The following FIG4 variants were observed in gnomAD, a reference collection of about 807,000 sequenced individuals.
FIG4 encodes FIG4 phosphoinositide 5-phosphatase, also known as polyphosphoinositide phosphatase.
In FIG4, 112 loss-of-function variants were observed where a neutral mutation model predicts 118.6. That is an observed-to-expected ratio of 0.94 (90% CI 0.81 to 1.11). The LOEUF is 1.11. Ranked by LOEUF, FIG4 falls within the 50% of genes least tolerant of loss-of-function variation. The probability of loss-of-function intolerance (pLI) is 0.00; values close to 1 mark genes in which losing one functional copy is unlikely to be tolerated. For synonymous variants in FIG4, 369 were observed against 381.2 expected, an observed-to-expected ratio of 0.97 and a Z score of 0.37; for missense variants, 969 against 1,111.7, an observed-to-expected ratio of 0.87 and a Z score of 1.83.
chr6:109,791,565 G>T lies in FIG4; in HGVS notation c.2370G>T (p.Val790=), dbSNP rs1778139139. Residue 790 remains valine (V), a synonymous_variant, in exon 20 of 23, where the codon GTG becomes GTT. Coordinates refer to ENST00000230124, the MANE Select transcript of FIG4 (RefSeq NM_014845.6). ...KMTDAGDSAK[V]TENVVQPMKE... is the part of the protein sequence containing the mutation. ...CTGATGCAGGAGACAGTGCCAAAGT[G>T]ACCGAGGTGCGGGGGAGGGAAGCCT... The T allele has an allele frequency of 1.2e-6, 2 of 1,613,764 alleles. No individual in the cohort carries two copies. The highest frequency in any genetic ancestry group is 1.7e-6 in the Non-Finnish European group (2 of 1,179,942).
At chr6:109,791,690 T>C in intron 20 of FIG4, 119 bp downstream of exon 20, 2 of 818,192 alleles carry the variant, frequency 2.4e-6, no homozygotes, top group Non-Finnish European at 4.1e-6. Flanking sequence ...ACTGTTGTGT[T>C]TGAGGCACTG....
intron 19 of FIG4, among the ~76,000 whole-genome samples, chr6:109,791,146 A>G (rs777176852): frequency 6.6e-6 from 1 of 152,156 alleles, no homozygotes; most frequent in Non-Finnish European, 1.5e-5. Context: ...TCTGCAAGTA[A>G]TTTTCATTTA....
At chr6:109,768,797 G>A (rs767532886) in intron 15 of FIG4, among the ~76,000 whole-genome samples, 1 of 152,130 alleles carries the variant, frequency 6.6e-6, no homozygotes, top group Non-Finnish European at 1.5e-5. Context: ...CAAACACGGG[G>A]GAAATCCACA....
intron 1 of FIG4, among the ~76,000 whole-genome samples, chr6:109,710,177 A>T (rs1190252501): frequency 1.3e-5 from 2 of 152,024 alleles, no homozygotes; most frequent in Admixed American, 6.6e-5. Flanking sequence ...ATGGATGTTG[A>T]ATTTTATTGA....
At chr6:109,732,762 TGA>T in intron 5 of FIG4, 75 bp downstream of exon 5, 1 of 873,706 alleles carries the variant, frequency 1.1e-6, no homozygotes, top group Non-Finnish European at 1.9e-6. Context: ...AAAAGCAGAA[TGA>T]GAACATAGTA....
At chr6:109,750,606 C>G (rs577398715) in intron 10 of FIG4, among the ~76,000 whole-genome samples, 9 of 152,124 alleles carry the variant, frequency 5.9e-5, no homozygotes, top group African/African-American at 2.2e-4. Context: ...GCGTTCCAGC[C>G]TGGGCGACAG....
chr6:109,722,048 A>G (rs1775628553), intron 3 of FIG4, among the ~76,000 whole-genome samples: 1 of 152,192 alleles, frequency 6.6e-6, no homozygotes, highest in African/African-American at 2.4e-5. Flanking sequence ...TCCCAATTAC[A>G]TTCCATTTTT....
At chr6:109,758,926 T>A (rs1282254165) in intron 10 of FIG4, among the ~76,000 whole-genome samples, 2 of 152,224 alleles carry the variant, frequency 1.3e-5, no homozygotes, top group African/African-American at 4.8e-5. Context: ...CCAGTTAGAA[T>A]GGCGATTATT....
At chr6:109,806,351 A>G (rs955449253) in intron 22 of FIG4, among the ~76,000 whole-genome samples, 2 of 152,190 alleles carry the variant, frequency 1.3e-5, no homozygotes, top group Admixed American at 1.3e-4. Flanking sequence ...AATTATTCAC[A>G]TACTTATTTA....
intron 1 of FIG4, among the ~76,000 whole-genome samples, chr6:109,707,775 GA>G (rs941949937): frequency 6.6e-5 from 10 of 152,018 alleles, no homozygotes; most frequent in Non-Finnish European, 1.3e-4. Flanking sequence ...GGCACAATGT[GA>G]GTTGATTATG....
At chr6:109,720,955 G>A (rs1775588611) in intron 3 of FIG4, among the ~76,000 whole-genome samples, 1 of 151,978 alleles carries the variant, frequency 6.6e-6, no homozygotes, top group Non-Finnish European at 1.5e-5. Context: ...GTGGTCCTAG[G>A]GCACATGAAT....
intron 16 of FIG4, among the ~76,000 whole-genome samples, chr6:109,781,038 C>T (rs1329529266): frequency 1.3e-5 from 2 of 152,156 alleles, no homozygotes; most frequent in African/African-American, 4.8e-5. Context: ...TGGCCTGCCC[C>T]CTGTCTGATA....
chr6:109,802,029 C>T (rs1458849255), intron 22 of FIG4, among the ~76,000 whole-genome samples: 2 of 152,200 alleles, frequency 1.3e-5, no homozygotes, highest in Non-Finnish European at 2.9e-5. Flanking sequence ...GATTAATCAG[C>T]TAATTCCCTC....
In FIG4 at chr6:109,765,025, C is replaced by A; in HGVS notation, c.1447C>A (p.Arg483=). The A allele has an allele frequency of 6.2e-7, 1 of 1,613,830 alleles. No homozygotes were observed. The highest frequency in any genetic ancestry group is 8.5e-7 in the Non-Finnish European group (1 of 1,179,796). Residue 483 remains arginine (R), a synonymous_variant, in exon 14 of 23, where the codon CGA becomes AGA. Coordinates refer to ENST00000230124, the MANE Select transcript of FIG4 (RefSeq NM_014845.6). ...TATTTCTCTTTAGACTGGCATCCTTCGAACCAACTGTGTGGACTGTTTAGA... is the reference window on the plus strand; with the variant it reads ...TATTTCTCTTTAGACTGGCATCCTTAGAACCAACTGTGTGGACTGTTTAGA... ...PTGRLQTGIL[R]TNCVDCLDRT...
chr6:109,748,783 C>G (rs182939921), intron 10 of FIG4, among the ~76,000 whole-genome samples: 1 of 151,988 alleles, frequency 6.6e-6, no homozygotes, highest in African/African-American at 2.4e-5. Flanking sequence ...GAGAACCAAG[C>G]GAAAAGAGAA....
Position 109,805,093 on chromosome 6 carries a change from G to A in FIG4, c.2546+8242G>A, listed in dbSNP as rs564995583. 3.9e-5 allele frequency among the ~76,000 whole-genome samples: 6 copies of A among 152,254 alleles called. No individual in the cohort carries two copies. In the South Asian group the frequency reaches 1.2e-3, roughly 32 times the overall value. On this transcript the variant is annotated intron_variant, in intron 22 of 22. Transcript: ENST00000230124. ...TTACTATGGTTTATTTTCAGTTTTA[G>A]GTATAGCAGCTCAGAGTTCTGAGCA...
At chr6:109,783,996 G>A (rs911710608) in intron 16 of FIG4, among the ~76,000 whole-genome samples, 3 of 152,126 alleles carry the variant, frequency 2.0e-5, no homozygotes, top group African/African-American at 7.2e-5. Flanking sequence ...AGAGTTCCCT[G>A]TGTTGCCAGT....
intron 16 of FIG4, among the ~76,000 whole-genome samples, chr6:109,783,390 A>G (rs1461993315): frequency 6.6e-6 from 1 of 152,204 alleles, no homozygotes; most frequent in Non-Finnish European, 1.5e-5. Context: ...TATAGATCTC[A>G]GCTACACCGG....
intron 10 of FIG4, among the ~76,000 whole-genome samples, chr6:109,754,485 C>G (rs1776816887): frequency 6.6e-6 from 1 of 152,276 alleles, no homozygotes; most frequent in East Asian, 1.9e-4. Flanking sequence ...ACCTCTTTTT[C>G]TATTGATTGG....
Sources: allele counts gnomAD v4.1 joint callset (sites outside exome capture counted in the v4.1 genomes callset), GRCh38; gene constraint gnomAD v4.1.1; transcripts MANE v1.5; gene names NCBI Gene and HGNC (gene_info 2026-07-23, HGNC 2026-07-21).